Variants in NTRK3 observed in about 807,000 individuals in gnomAD.
NTRK3 encodes the protein neurotrophic receptor tyrosine kinase 3, also known as NT-3 growth factor receptor.
A neutral mutation model predicts 91.7 loss-of-function variants in NTRK3; 24 were observed. That is an observed-to-expected ratio of 0.26 (90% CI 0.19 to 0.37). NTRK3 has a LOEUF of 0.37. NTRK3 is among the 10% of genes least tolerant of loss of function. NTRK3 has a pLI of 1.00. For missense variants in NTRK3, 880 were observed against 1,068.9 expected, an observed-to-expected ratio of 0.82 and a Z score of 2.46; for synonymous variants, 483 against 404.0, an observed-to-expected ratio of 1.20 and a Z score of -2.34.
At chr15:88,215,575 A>G (rs1199563835) in intron 3 of NTRK3, among the ~76,000 whole-genome samples, 2 of 152,164 alleles carry the variant, frequency 1.3e-5, no homozygotes, top group African/African-American at 4.8e-5. Context: ...GCTGGGAGGA[A>G]AGCTGGGGGA....
chr15:88,016,552 T>C (rs978238599), intron 14 of NTRK3, among the ~76,000 whole-genome samples: 16 of 152,208 alleles, frequency 1.1e-4, no homozygotes, highest in Non-Finnish European at 1.5e-5. Context: ...GGCAGGCTCT[T>C]CTCCAGCTGG....
intron 3 of NTRK3, among the ~76,000 whole-genome samples, chr15:88,216,320 C>T (rs1433741850): frequency 6.6e-6 from 1 of 152,212 alleles, no homozygotes; most frequent in South Asian, 2.1e-4. Flanking sequence ...CCCGGAGGCT[C>T]AGCATCCTGG....
exon 19 of NTRK3, chr15:87,862,273 A>T: frequency 4.5e-6 from 1 of 224,078 alleles, no homozygotes. Context: ...GTTAGAAATC[A>T]TCGTTCCACT....
chr15:88,160,584 C>T (rs1292284247), intron 5 of NTRK3, among the ~76,000 whole-genome samples: 25 of 152,200 alleles, frequency 1.6e-4, no homozygotes, highest in Non-Finnish European at 5.9e-5. Flanking sequence ...TCCTCTGCCC[C>T]ACTTCTAGCA....
chr15:88,122,751 T>C (rs3784412), intron 13 of NTRK3, among the ~76,000 whole-genome samples: 39,665 of 152,058 alleles, frequency 0.26, 5,538 homozygotes, highest in African/African-American at 0.32. Context: ...GAGTTTTCCC[T>C]ATCATCATCT....
intron 13 of NTRK3, among the ~76,000 whole-genome samples, chr15:88,079,644 G>A (rs952938647): frequency 1.1e-4 from 16 of 152,156 alleles, no homozygotes; most frequent in Non-Finnish European, 2.1e-4. Context: ...AAGCAACATG[G>A]ATTTAGTGGA....
At position 88,161,604 on chromosome 15, in the gene NTRK3, A is replaced by T. The variant is rs572513288; in HGVS notation, c.396-14201T>A. On this transcript the variant is annotated intron_variant, in intron 5 of 18. Coordinates refer to ENST00000394480, the Ensembl canonical transcript of NTRK3. ...AACTGGGACCATGTGTGACAGCCAT[A>T]AAAAATGGAGACCCATCCACTAGCA... Among the ~76,000 whole-genome samples the T allele has an allele frequency of 2.0e-5, 3 of 152,280 alleles. No homozygotes were observed. The East Asian group carries it at 5.8e-4, about 29-fold the overall frequency.
At chr15:87,946,073 C>T (rs1281240409) in intron 14 of NTRK3, 7 of 152,134 alleles carry the variant, frequency 4.6e-5, no homozygotes, top group African/African-American at 7.2e-5. Flanking sequence ...ACCTATCTTG[C>T]AAATAAAATC....
At chr15:87,979,099 G>A in intron 14 of NTRK3, 1 of 590,240 alleles carries the variant, frequency 1.7e-6, no homozygotes, top group South Asian at 2.1e-5. Context: ...GATAGTGGCA[G>A]GAGCTGCCTC....
At chr15:87,916,158 A>T (rs1026561448) in intron 17 of NTRK3, 12 of 244,938 alleles carry the variant, frequency 4.9e-5, no homozygotes, top group Non-Finnish European at 1.6e-5. Flanking sequence ...GGCTATGAGG[A>T]TTATGAGAGA....
chr15:88,136,503 C>A (rs2151208800), exon 8 of NTRK3: 1 of 1,614,160 alleles, frequency 6.2e-7, no homozygotes, highest in Non-Finnish European at 8.5e-7. Flanking sequence ...CAGTGACTAT[C>A]CAGTCCACAT....
intron 14 of NTRK3, among the ~76,000 whole-genome samples, chr15:87,945,149 C>G (rs1361243372): frequency 6.6e-6 from 1 of 152,158 alleles, no homozygotes; most frequent in Non-Finnish European, 1.5e-5. Context: ...AAAAAAGGGG[C>G]TGCTGGAGAA....
chr15:87,935,317 T>C (rs1318977453), intron 15 of NTRK3, among the ~76,000 whole-genome samples: 2 of 152,162 alleles, frequency 1.3e-5, no homozygotes, highest in Non-Finnish European at 1.5e-5. Flanking sequence ...CAGCCCAATG[T>C]TGATTTTTAC....
chr15:87,879,804 T>C (rs1466485486), intron 18 of NTRK3, among the ~76,000 whole-genome samples: 2 of 152,158 alleles, frequency 1.3e-5, no homozygotes, highest in Admixed American at 6.5e-5. Flanking sequence ...TTCCTAGACG[T>C]TCACACATGA....
chr15:88,150,705 C>T (rs150791904), intron 5 of NTRK3, among the ~76,000 whole-genome samples: 128 of 152,256 alleles, frequency 8.4e-4, no homozygotes, highest in African/African-American at 3.0e-3. Flanking sequence ...TGCAACTGTA[C>T]ACAATGCCCT....
intron 3 of NTRK3, among the ~76,000 whole-genome samples, chr15:88,247,664 C>T (rs981308238): frequency 6.6e-6 from 1 of 152,160 alleles, no homozygotes; most frequent in Non-Finnish European, 1.5e-5. Flanking sequence ...AAGTGCGAGG[C>T]CAGTGGCTGA....
At chr15:87,861,307 A>C in exon 19 of NTRK3, 1 of 217,422 alleles carries the variant, frequency 4.6e-6, no homozygotes, top group Non-Finnish European at 9.2e-6. Flanking sequence ...GTAATATCCT[A>C]ATAATGCACT....
intron 14 of NTRK3, among the ~76,000 whole-genome samples, chr15:87,944,229 G>T (rs975485595): frequency 2.6e-5 from 4 of 152,206 alleles, no homozygotes; most frequent in Admixed American, 1.3e-4. Context: ...GGGAGCTTTG[G>T]CAGAGACTGG....
intron 5 of NTRK3, among the ~76,000 whole-genome samples, chr15:88,148,494 A>G (rs1213278952): frequency 6.6e-6 from 1 of 152,146 alleles, no homozygotes; most frequent in Non-Finnish European, 1.5e-5. Flanking sequence ...CTGAGCCAAG[A>G]AGAAGAAAGA....
Sources: gnomAD v4.1 joint callset for allele counts (sites outside exome capture counted in the v4.1 genomes callset) on GRCh38, gnomAD v4.1.1 for gene constraint, MANE v1.5 for transcripts, NCBI Gene and HGNC (gene_info 2026-07-23, HGNC 2026-07-21) for gene names.